Variants in GTF2A1L observed in about 807,000 individuals in gnomAD.
GTF2A1L encodes the protein TFIIA-alpha and beta-like factor.
In GTF2A1L, 48 loss-of-function variants were observed where a neutral mutation model predicts 49.7. The observed-to-expected ratio is 0.97, with a 90% confidence interval of 0.77 to 1.23. The LOEUF (loss-of-function observed/expected upper bound fraction) is 1.23. Ranked by LOEUF, GTF2A1L falls within the 50% of genes most tolerant of loss-of-function variation. GTF2A1L has a pLI of 0.00. For missense variants in GTF2A1L, 736 were observed against 564.8 expected (o/e 1.30, Z -3.07); for synonymous variants, 246 against 193.5 (o/e 1.27, Z -2.25).
rs1480454853 is a variant in GTF2A1L at position 48,624,774 on chromosome 2, T to C, written c.247+3484T>C. 4.6e-5 allele frequency among the ~76,000 whole-genome samples: 6 copies of C among 130,860 alleles called. 2 individuals are homozygous for C. Among genetic ancestry groups the C allele is most frequent in the Non-Finnish European group, 8.5e-5 (5 of 58,962 alleles). 85.8% of individuals were successfully genotyped at this position (130,860 alleles called of 152,430 possible). ...GTCTGTATTTGTGGTTTTTTTTTTTTAACATATAAATGAGATCATGCAATA... is the reference window on the plus strand; with the variant it reads ...GTCTGTATTTGTGGTTTTTTTTTTTCAACATATAAATGAGATCATGCAATA... On this transcript the variant is annotated intron_variant, in intron 3 of 8. Transcript: ENST00000403751.
intron 6 of GTF2A1L, among the ~76,000 whole-genome samples, chr2:48,662,740 A>G (rs1423221628): frequency 6.6e-6 from 1 of 150,878 alleles, no homozygotes. Context: ...CTGCCAAAAC[A>G]CTTACTGGGG....
rs180814188 is a variant in GTF2A1L, at chr2:48,665,668, T to C, written c.979-4054T>C. Among the ~76,000 whole-genome samples, 51 of 152,290 alleles carry C rather than the reference T, an allele frequency of 3.3e-4. No individual in the cohort carries two copies. The East Asian group carries it at 9.8e-3, about 29-fold the overall frequency. ...TTACTGGTTTCTAGTGTAATTCTTTTGTGGTCAGAGAATATACTTTATATA... is the reference window on the plus strand; with the variant it reads ...TTACTGGTTTCTAGTGTAATTCTTTCGTGGTCAGAGAATATACTTTATATA... On this transcript the variant is annotated intron_variant, in intron 6 of 8. Transcript: ENST00000403751.
At chr2:48,654,366 C>G (rs1406669743) in intron 6 of GTF2A1L, among the ~76,000 whole-genome samples, 1 of 151,756 alleles carries the variant, frequency 6.6e-6, no homozygotes, top group Non-Finnish European at 1.5e-5. Flanking sequence ...CTATTCTGGG[C>G]TAGTTTTGTA....
intron 6 of GTF2A1L, among the ~76,000 whole-genome samples, chr2:48,667,652 T>A (rs1200588922): frequency 6.6e-6 from 1 of 152,214 alleles, no homozygotes; most frequent in Non-Finnish European, 1.5e-5. Flanking sequence ...GTGAAGCAAA[T>A]CTGTTTCCAA....
chr2:48,619,112 T>C (rs556527523), intron 1 of GTF2A1L, among the ~76,000 whole-genome samples: 6 of 152,298 alleles, frequency 3.9e-5, no homozygotes, highest in Non-Finnish European at 7.3e-5. Flanking sequence ...TGTTACTGAT[T>C]GGCCTATTCG....
intron 4 of GTF2A1L, among the ~76,000 whole-genome samples, chr2:48,643,693 ATTTT>A (rs71399070): frequency 8.3e-6 from 1 of 120,782 alleles, no homozygotes; most frequent in Non-Finnish European, 1.7e-5. Flanking sequence ...TATTAATACA[ATTTT>A]TTTTTTTTTT....
At position 48,647,008 on chromosome 2, in the gene GTF2A1L, T is replaced by A. The variant is rs753661153; in HGVS notation, c.944T>A (p.Ile315Lys). Residue 315 changes from isoleucine (I) to lysine (K), a missense_variant, in exon 6 of 9, where the codon ATA becomes AAA. Ile to Lys is a moderately radical substitution (Grantham distance 102, BLOSUM62 -3). Coordinates refer to ENST00000403751, the MANE Select transcript of GTF2A1L (RefSeq NM_006872.5). ...GCDSVKQPRN[I>K]EEPSNIPVSE... ...GATTCTGTAAAGCAACCAAGAAATA[T>A]AGAGGAACCCAGCAACATACCTGTA... 1 of 1,613,276 alleles carries A rather than the reference T, an allele frequency of 6.2e-7. No individual in the cohort carries two copies. The highest frequency in any genetic ancestry group is 8.5e-7 in the Non-Finnish European group (1 of 1,179,662).
At chr2:48,679,190 G>A in intron 8 of GTF2A1L, 145 bp from the exon 9 acceptor site, 1 of 1,026,088 alleles carries the variant, frequency 9.7e-7, no homozygotes, top group Admixed American at 3.1e-5. Context: ...AAATGTTTAT[G>A]GAATAAACAA....
intron 1 of GTF2A1L, 42 bp from the exon 2 acceptor site, chr2:48,620,809 A>G: frequency 9.2e-7 from 1 of 1,087,678 alleles, no homozygotes; most frequent in Non-Finnish European, 1.2e-6. Flanking sequence ...AAATAAATAA[A>G]TAAATAAATA....
chr2:48,631,358 T>A (rs556394355), intron 3 of GTF2A1L, among the ~76,000 whole-genome samples: 1 of 152,110 alleles, frequency 6.6e-6, no homozygotes, highest in Non-Finnish European at 1.5e-5. Context: ...CTTGGGAGAT[T>A]TTATGTTTCT....
intron 5 of GTF2A1L, among the ~76,000 whole-genome samples, 161 bp downstream of exon 5, chr2:48,645,278 G>A (rs1056633589): frequency 1.1e-4 from 17 of 152,116 alleles, no homozygotes; most frequent in African/African-American, 3.9e-4. Flanking sequence ...GATTGTTATA[G>A]AGACAATCTA....
At chr2:48,668,841 T>A (rs1190998395) in intron 6 of GTF2A1L, among the ~76,000 whole-genome samples, 2 of 104,098 alleles carry the variant, frequency 1.9e-5, no homozygotes, top group African/African-American at 2.9e-5. Context: ...CCTCAAAAAA[T>A]AAATAAATAA....
Position 48,679,506 on chromosome 2 carries a change from T to TC in GTF2A1L, c.*65dup. ...TTGGATTATATTGCATATTGTGAAT[T>TC]CATTTTTATTTTGAATATAGTCCAG... On this transcript the variant is annotated 3_prime_UTR_variant, in exon 9 of 9. Coordinates refer to ENST00000403751, the MANE Select transcript of GTF2A1L (RefSeq NM_006872.5). The TC allele has an allele frequency of 6.3e-7, 1 of 1,591,480 alleles. No individual in the cohort carries two copies. Among genetic ancestry groups the TC allele is most frequent in the East Asian group, 2.3e-5 (1 of 44,366 alleles).
chr2:48,632,806 G>T, intron 3 of GTF2A1L: 1 of 196,614 alleles, frequency 5.1e-6, no homozygotes, highest in Non-Finnish European at 1.0e-5. Context: ...TAGGCAGCAA[G>T]CAGTTGTGAT....
chr2:48,619,872 T>G (rs1483732176), intron 1 of GTF2A1L, among the ~76,000 whole-genome samples: 2 of 152,188 alleles, frequency 1.3e-5, no homozygotes, highest in East Asian at 3.9e-4. Context: ...CTAGGAGGTA[T>G]TTTAGAATGT....
rs973521477 is a variant in GTF2A1L, at chr2:48,628,101, C to A, written c.247+6811C>A. ...ATAGTGTTCCATGGTGTATATATAC[C>A]ACATTTTCTTTATCCAATCCACTAT... On this transcript the variant is annotated intron_variant, in intron 3 of 8. Transcript: ENST00000403751. 2.1e-5 allele frequency among the ~76,000 whole-genome samples: 3 copies of A among 143,602 alleles called. 1 individual carries two copies. The highest frequency in any genetic ancestry group is 4.7e-5 in the Non-Finnish European group (3 of 63,836). The allele number at this position is 143,602 out of a possible 152,430, so 94.2% of individuals were successfully genotyped here. A position where few individuals can be genotyped will look rare whatever the true frequency, so the allele number is the denominator to read the frequency against.
In GTF2A1L at chr2:48,671,579, T is replaced by G. The variant is rs1400635986; in HGVS notation, c.1240-12T>G. ...CATAAAATTCCTTAATGTGATCATC[T>G]TTCGTCTTTAGGACCCTTTAAATTC... On this transcript the variant is annotated splice_polypyrimidine_tract_variant and intron_variant, in intron 7 of 8. Transcript: ENST00000403751. 4.3e-6 allele frequency: 7 copies of G among 1,610,338 alleles called. No individual in the cohort carries two copies. The highest frequency in any genetic ancestry group is 5.9e-6 in the Non-Finnish European group (7 of 1,178,686).
chr2:48,670,028 A>G, intron 7 of GTF2A1L, 46 bp downstream of exon 7: 1 of 1,554,618 alleles, frequency 6.4e-7, no homozygotes, highest in Non-Finnish European at 8.7e-7. Flanking sequence ...AATTTATAAC[A>G]TTTCTACTTT....
At position 48,621,220 on chromosome 2, in the gene GTF2A1L, T is replaced by C; in HGVS notation, c.177T>C (p.Asn59=). 1 of 1,614,116 alleles carries C rather than the reference T, an allele frequency of 6.2e-7. No individual in the cohort carries two copies. The highest frequency in any genetic ancestry group is 1.6e-4 in the Middle Eastern group (1 of 6,062). The change falls in exon 3 of 9, where the codon AAT becomes AAC. Residue 59 remains asparagine, a synonymous_variant. Transcript: ENST00000403751. ...AAGCAACAGAAGACTTCTTCAGAAATAGCATCCAATCACCTCTGTTTACTC... is the reference window on the plus strand; with the variant it reads ...AAGCAACAGAAGACTTCTTCAGAAACAGCATCCAATCACCTCTGTTTACTC... ...QSKATEDFFR[N]SIQSPLFTLQ... is the part of the protein sequence containing the mutation.
Sources: gnomAD v4.1 joint callset for allele counts (sites outside exome capture counted in the v4.1 genomes callset) on GRCh38, gnomAD v4.1.1 for gene constraint, MANE v1.5 for transcripts, NCBI Gene and HGNC (gene_info 2026-07-23, HGNC 2026-07-21) for gene names.